Variants in PRAG1 observed in about 807,000 individuals in gnomAD.
PRAG1 encodes inactive tyrosine-protein kinase PRAG1.
Under a neutral mutation model 95.6 loss-of-function variants are expected in PRAG1, and 110 were observed. The observed-to-expected ratio is 1.15, with a 90% CI of 0.99 to 1.35. The LOEUF is 1.35. Ranked by LOEUF, PRAG1 falls within the 40% of genes most tolerant of loss-of-function variation. The pLI is 0.00. For synonymous variants in PRAG1, 1,052 were observed against 819.4 expected (o/e 1.28, Z -4.85); for missense variants, 2,554 against 1,864.7 (o/e 1.37, Z -6.81).
At chr8:8,330,186 C>T (rs532723416) in intron 4 of PRAG1, among the ~76,000 whole-genome samples, 22 of 152,134 alleles carry the variant, frequency 1.4e-4, no homozygotes, top group African/African-American at 4.8e-4. Context: ...GGCAAAATGG[C>T]GAACCCCCAA....
intron 3 of PRAG1, among the ~76,000 whole-genome samples, chr8:8,362,169 T>C (rs1217209654): frequency 6.6e-6 from 1 of 152,212 alleles, no homozygotes; most frequent in Non-Finnish European, 1.5e-5. Flanking sequence ...AAATTTAGGC[T>C]CCTCTTAGCA....
chr8:8,318,308 T>C lies in PRAG1; in HGVS notation c.4067A>G (p.Asp1356Gly), dbSNP rs370148665. Residue 1356 changes from aspartate (D) to glycine (G), a missense_variant, in exon 6 of 6, where the codon GAC (aspartate) becomes GGC (glycine). By Grantham distance (94) the Asp-to-Gly change is moderately conservative (BLOSUM62 -1). Coordinates refer to ENST00000615670, the MANE Select transcript of PRAG1 (RefSeq NM_001080826.3). This position sits in a 1 kb window ranked among gnomAD's most constrained non-coding sequence, Gnocchi z 4.2. ...ALCGTLHNWIDMKRALMMMKF... is the reference protein window; with the variant it reads ...ALCGTLHNWIGMKRALMMMKF... Reference sequence around the variant, plus strand: ...CATCATCATCAGGGCCCGCTTCATGTCGATCCAGTTGTGCAGCGTGCCGCA... The same window carrying C: ...CATCATCATCAGGGCCCGCTTCATGCCGATCCAGTTGTGCAGCGTGCCGCA... 9.3e-6 allele frequency: 15 copies of C among 1,614,034 alleles called. No individual in the cohort carries two copies. Among genetic ancestry groups the C allele is most frequent in the African/African-American group, 5.3e-5 (4 of 74,944 alleles).
intron 1 of PRAG1, among the ~76,000 whole-genome samples, chr8:8,385,986 G>A (rs1370054709): frequency 2.6e-5 from 4 of 152,156 alleles, no homozygotes; most frequent in African/African-American, 9.7e-5. Context: ...TTCAGCCTCC[G>A]GCCGCAGACA....
At chr8:8,366,461 C>T (rs1350594277) in intron 3 of PRAG1, among the ~76,000 whole-genome samples, 2 of 152,002 alleles carry the variant, frequency 1.3e-5, no homozygotes, top group African/African-American at 4.8e-5. Context: ...TTACATGCGT[C>T]TGCCACAATG....
intron 3 of PRAG1, among the ~76,000 whole-genome samples, chr8:8,363,305 G>T (rs554215912): frequency 6.6e-6 from 1 of 152,198 alleles, no homozygotes; most frequent in African/African-American, 2.4e-5. Flanking sequence ...GGAGTTGTTT[G>T]CCAGGACACT....
At chr8:8,362,255 C>A (rs1799866923) in intron 3 of PRAG1, among the ~76,000 whole-genome samples, 1 of 152,190 alleles carries the variant, frequency 6.6e-6, no homozygotes, top group South Asian at 2.1e-4. Flanking sequence ...CAGGTAGCAC[C>A]CACCCACTCC....
At chr8:8,319,355 G>T (rs1026273810) in intron 5 of PRAG1, 53 bp from the exon 6 acceptor site, 5 of 1,427,768 alleles carry the variant, frequency 3.5e-6, no homozygotes. Context: ...GTTCCGCCCA[G>T]CAAAGAGTGT....
intron 3 of PRAG1, among the ~76,000 whole-genome samples, chr8:8,340,366 T>G (rs550577940): frequency 6.6e-6 from 1 of 152,306 alleles, no homozygotes; most frequent in South Asian, 2.1e-4. Flanking sequence ...ATTATTAGGT[T>G]GGGTGTTTAG....
In PRAG1 at chr8:8,318,087, CT is replaced by C; in HGVS notation, c.*66del. On this transcript the variant is annotated 3_prime_UTR_variant, in exon 6 of 6. Coordinates refer to ENST00000615670, the MANE Select transcript of PRAG1 (RefSeq NM_001080826.3). The surrounding 1 kb of genome is among the most constrained non-coding windows in gnomAD (Gnocchi z 4.2). ...ACCATTTCCCAGGGAGACATGGGTG[CT>C]TCCAAGGCGAGACAGGAAAGGGTTA... 1 of 1,484,520 alleles carries C rather than the reference CT, an allele frequency of 6.7e-7. No homozygotes were observed. The highest frequency in any genetic ancestry group is 9.0e-7 in the Non-Finnish European group (1 of 1,110,584). The allele number at this position is 1,484,520 out of a possible 1,614,324, so 92.0% of individuals were successfully genotyped here.
intron 5 of PRAG1, among the ~76,000 whole-genome samples, chr8:8,322,860 C>T (rs1202409697): frequency 6.6e-6 from 1 of 152,120 alleles, no homozygotes; most frequent in African/African-American, 2.4e-5. Flanking sequence ...GTACATCATA[C>T]ATGTATTGAT....
At chr8:8,379,556 A>T (rs377418678) in intron 2 of PRAG1, among the ~76,000 whole-genome samples, 1 of 152,184 alleles carries the variant, frequency 6.6e-6, no homozygotes, top group Non-Finnish European at 1.5e-5. Context: ...ACTGCAACCA[A>T]AGGAAATGCC....
chr8:8,377,492 C>A lies in PRAG1; in HGVS notation c.917G>T (p.Ser306Ile). 1 of 1,552,006 alleles carries A rather than the reference C, an allele frequency of 6.4e-7. No homozygotes were observed. The highest frequency in any genetic ancestry group is 8.7e-7 in the Non-Finnish European group (1 of 1,149,572). ...GPAEQEKRGPSFPKECCSQGP... is the reference protein window; with the variant it reads ...GPAEQEKRGPIFPKECCSQGP... Reference sequence around the variant, plus strand: ...CTGGCTACAGCACTCCTTGGGGAAGCTCGGGCCCCGCTTCTCCTGCTCTGC... The same window carrying A: ...CTGGCTACAGCACTCCTTGGGGAAGATCGGGCCCCGCTTCTCCTGCTCTGC... The change falls in exon 3 of 6, where the codon AGC becomes ATC. Residue 306 changes from serine (S) to isoleucine (I), a missense_variant. Transcript: ENST00000615670.
chr8:8,324,098 A>C (rs147098661), intron 5 of PRAG1, among the ~76,000 whole-genome samples: 1 of 152,288 alleles, frequency 6.6e-6, no homozygotes, highest in Non-Finnish European at 1.5e-5. Flanking sequence ...GGCAAGCACA[A>C]TGGGGAAGGT....
intron 3 of PRAG1, among the ~76,000 whole-genome samples, chr8:8,355,651 A>G (rs1799657454): frequency 6.6e-6 from 1 of 152,184 alleles, no homozygotes; most frequent in African/African-American, 2.4e-5. Flanking sequence ...AGTTTTTGAC[A>G]AGAGCATCAA....
chr8:8,319,904 C>T (rs926973651), intron 5 of PRAG1, among the ~76,000 whole-genome samples: 3 of 152,194 alleles, frequency 2.0e-5, no homozygotes, highest in Non-Finnish European at 4.4e-5. Context: ...TATCAGTTCA[C>T]GCCCACTAGA....
chr8:8,377,875 G>A lies in PRAG1; in HGVS notation c.534C>T (p.His178=), dbSNP rs1800480361. 1 of 1,614,126 alleles carries A rather than the reference G, an allele frequency of 6.2e-7. No homozygotes were observed. Among genetic ancestry groups the A allele is most frequent in the Non-Finnish European group, 8.5e-7 (1 of 1,179,988 alleles). ...CCTTCTCCTCCGGGAAGCTCACCGG[G>A]TGGAAGGCAATGTTCCTCTCGCCGC... ...EPRGERNIAF[H]PVSFPEEKAV... The change falls in exon 3 of 6, where the codon CAC becomes CAT. Residue 178 remains histidine, a synonymous_variant. Transcript: ENST00000615670.
At chr8:8,328,616 C>A (rs966288155) in intron 4 of PRAG1, among the ~76,000 whole-genome samples, 155 bp from the exon 5 acceptor site, 2 of 152,110 alleles carry the variant, frequency 1.3e-5, no homozygotes, top group African/African-American at 4.8e-5. Flanking sequence ...AATATATGCA[C>A]AATGGAAAAA....
At chr8:8,360,499 C>A (rs1236185783) in intron 3 of PRAG1, among the ~76,000 whole-genome samples, 1 of 152,180 alleles carries the variant, frequency 6.6e-6, no homozygotes, top group Non-Finnish European at 1.5e-5. Context: ...GTGAATTCTG[C>A]CAAAAGATTT....
chr8:8,335,436 C>G (rs557543586), intron 4 of PRAG1, among the ~76,000 whole-genome samples: 21 of 152,132 alleles, frequency 1.4e-4, no homozygotes, highest in African/African-American at 4.6e-4. Context: ...TATGGATACA[C>G]ATTTTTGGGA....
Sources: allele counts gnomAD v4.1 joint callset (sites outside exome capture counted in the v4.1 genomes callset), GRCh38; gene constraint gnomAD v4.1.1; non-coding constraint Gnocchi (gnomAD v3.1); transcripts MANE v1.5; gene names NCBI Gene and HGNC (gene_info 2026-07-23, HGNC 2026-07-21).